Variants in BMPR1B observed in about 807,000 individuals in gnomAD.
The protein encoded by BMPR1B is bone morphogenetic protein receptor type 1B, also known as bone morphogenetic protein receptor type-1B.
BMPR1B carries 12 observed loss-of-function variants against 59.1 expected under a neutral mutation model. That is an observed-to-expected ratio of 0.20 (90% CI 0.13 to 0.33). BMPR1B has a LOEUF of 0.33. Ranked by LOEUF, BMPR1B falls within the 10% of genes least tolerant of loss-of-function variation. BMPR1B has a pLI of 1.00. For missense variants in BMPR1B, 550 were observed against 610.9 expected, an observed-to-expected ratio of 0.90 and a Z score of 1.05; for synonymous variants, 237 against 207.3, an observed-to-expected ratio of 1.14 and a Z score of -1.23.
At chr4:95,058,098 T>A (rs1285305058) in intron 3 of BMPR1B, among the ~76,000 whole-genome samples, 1 of 152,198 alleles carries the variant, frequency 6.6e-6, no homozygotes, top group Admixed American at 6.5e-5. Flanking sequence ...TTGTTATATG[T>A]AAGTTTCGCT....
intron 1 of BMPR1B, among the ~76,000 whole-genome samples, chr4:94,769,306 A>G (rs1191461747): frequency 1.3e-5 from 2 of 152,206 alleles, no homozygotes; most frequent in Non-Finnish European, 2.9e-5. Context: ...TCTAAAGAGA[A>G]AGATGTTTAA....
chr4:95,103,047 CTGTT>C (rs112511461), intron 3 of BMPR1B, among the ~76,000 whole-genome samples: 50 of 151,944 alleles, frequency 3.3e-4, no homozygotes, highest in African/African-American at 1.2e-3. Context: ...TTACAGGAAA[CTGTT>C]TGAGAAAGTT....
chr4:94,786,714 A>T (rs1284140215), intron 1 of BMPR1B, among the ~76,000 whole-genome samples: 1 of 146,332 alleles, frequency 6.8e-6, no homozygotes, highest in Non-Finnish European at 1.5e-5. Context: ...AATTTTTTGT[A>T]TTTTTTTTTT....
chr4:94,780,505 CAT>C (rs984259974), intron 1 of BMPR1B, among the ~76,000 whole-genome samples: 1 of 151,876 alleles, frequency 6.6e-6, no homozygotes, highest in African/African-American at 2.4e-5. Context: ...TTTATGTGGA[CAT>C]ATATTTCATT....
At position 95,027,097 on chromosome 4, in the gene BMPR1B, C is replaced by G. The variant is rs189471489; in HGVS notation, c.-18+30963C>G. 5.4e-3 allele frequency among the ~76,000 whole-genome samples: 828 copies of G among 152,072 alleles called. 7 individuals carry two copies. The highest frequency in any genetic ancestry group is 8.9e-3 in the Non-Finnish European group (608 of 67,974). On this transcript the variant is annotated intron_variant, in intron 3 of 12. Coordinates refer to ENST00000515059, the MANE Select transcript of BMPR1B (RefSeq NM_001203.3). ...TTCTTAACTAAATTTTTCACGTTAT[C>G]AATAGTACAGATTATTGCTTCTTTC...
intron 2 of BMPR1B, among the ~76,000 whole-genome samples, chr4:94,961,801 T>C (rs1017509662): frequency 2.0e-5 from 3 of 152,204 alleles, no homozygotes; most frequent in African/African-American, 4.8e-5. Flanking sequence ...TTAAAACTTT[T>C]TATTTTTAAT....
intron 1 of BMPR1B, among the ~76,000 whole-genome samples, chr4:94,845,867 G>T (rs62316168): frequency 0.2 from 30,882 of 151,934 alleles, 3,186 homozygotes; most frequent in South Asian, 0.3. Context: ...TATTATTTTG[G>T]CATAATAGAG....
At chr4:94,840,937 T>G (rs1375582956) in intron 1 of BMPR1B, among the ~76,000 whole-genome samples, 3 of 146,684 alleles carry the variant, frequency 2.0e-5, no homozygotes, top group Admixed American at 1.4e-4. Flanking sequence ...ACAGATGGGT[T>G]TTTGGTGTGG....
At chr4:94,873,650 TGCCCACCTC>T (rs1726594006) in intron 1 of BMPR1B, among the ~76,000 whole-genome samples, 1 of 152,154 alleles carries the variant, frequency 6.6e-6, no homozygotes, top group Admixed American at 6.5e-5. Context: ...CCTTGTGATC[TGCCCACCTC>T]GCCCTCCCAA....
At chr4:94,964,859 A>G (rs1381964634) in intron 2 of BMPR1B, among the ~76,000 whole-genome samples, 1 of 152,078 alleles carries the variant, frequency 6.6e-6, no homozygotes, top group Non-Finnish European at 1.5e-5. Flanking sequence ...CCTTCTAGCT[A>G]TGTTAGTATA....
chr4:94,885,541 G>A (rs1727140785), intron 2 of BMPR1B, among the ~76,000 whole-genome samples: 1 of 151,950 alleles, frequency 6.6e-6, no homozygotes, highest in African/African-American at 2.4e-5. Flanking sequence ...TATCACCAGG[G>A]AAGAAACTTT....
At chr4:95,139,318 G>A (rs1027921520) in intron 10 of BMPR1B, among the ~76,000 whole-genome samples, 6 of 152,112 alleles carry the variant, frequency 3.9e-5, no homozygotes, top group Admixed American at 1.3e-4. Flanking sequence ...GGTGTCAGTC[G>A]GCCCCTACTG....
At chr4:94,990,729 A>G (rs1046594698) in intron 2 of BMPR1B, among the ~76,000 whole-genome samples, 2 of 152,142 alleles carry the variant, frequency 1.3e-5, no homozygotes, top group African/African-American at 4.8e-5. Context: ...GTTTTAGGGT[A>G]CATGTGCACA....
At chr4:94,888,956 A>G (rs1727287837) in intron 2 of BMPR1B, among the ~76,000 whole-genome samples, 1 of 152,024 alleles carries the variant, frequency 6.6e-6, no homozygotes. Flanking sequence ...ACATTCTAAA[A>G]TTTGTAATAC....
chr4:94,905,013 T>G (rs1043239637), intron 2 of BMPR1B, among the ~76,000 whole-genome samples: 1 of 152,084 alleles, frequency 6.6e-6, no homozygotes, highest in Non-Finnish European at 1.5e-5. Context: ...TTTCTATTTT[T>G]GGCAAACACC....
chr4:95,156,187 AC>A lies in BMPR1B; in HGVS notation c.*1515del, dbSNP rs1192892128. The A allele has an allele frequency of 6.6e-6, 1 of 152,212 alleles. No homozygotes were observed. Among genetic ancestry groups the A allele is most frequent in the Non-Finnish European group, 1.5e-5 (1 of 68,016 alleles). 9.4% of individuals were successfully genotyped at this position (152,212 alleles called of 1,614,324 possible). A position where few individuals can be genotyped will look rare whatever the true frequency, so the allele number is the denominator to read the frequency against. Reference sequence around the variant, plus strand: ...GCCAATATTGTTTAGCAACATGAATACAATACAGTTTAAAGTTGTACACATC... The same window carrying A: ...GCCAATATTGTTTAGCAACATGAATAAATACAGTTTAAAGTTGTACACATC... On this transcript the variant is annotated 3_prime_UTR_variant, in exon 13 of 13. Coordinates refer to ENST00000515059, the MANE Select transcript of BMPR1B (RefSeq NM_001203.3).
intron 2 of BMPR1B, among the ~76,000 whole-genome samples, chr4:94,886,685 C>G (rs146035935): frequency 6.6e-6 from 1 of 152,294 alleles, no homozygotes; most frequent in South Asian, 2.1e-4. Context: ...AAAATATACA[C>G]TCAACATCAC....
At chr4:95,153,972 C>T (rs182331001) in intron 12 of BMPR1B, among the ~76,000 whole-genome samples, 25 of 152,280 alleles carry the variant, frequency 1.6e-4, no homozygotes, top group Non-Finnish European at 1.3e-4. Context: ...GATGCTGGAG[C>T]TCTGTTATTG....
intron 2 of BMPR1B, among the ~76,000 whole-genome samples, chr4:94,936,218 T>C (rs1729290213): frequency 6.6e-6 from 1 of 152,134 alleles, no homozygotes; most frequent in Non-Finnish European, 1.5e-5. Flanking sequence ...AAATCATTAA[T>C]GTTAAAGGAA....
Sources: allele counts gnomAD v4.1 joint callset (sites outside exome capture counted in the v4.1 genomes callset), GRCh38; gene constraint gnomAD v4.1.1; transcripts MANE v1.5; gene names NCBI Gene and HGNC (gene_info 2026-07-23, HGNC 2026-07-21).